ATP8B4: variants seen among roughly 807,000 people sequenced by gnomAD.
ATP8B4 encodes ATPase phospholipid transporting 8B4 (putative).
Under a neutral mutation model 145.6 loss-of-function variants are expected in ATP8B4, and 133 were observed. That is an observed-to-expected ratio of 0.91 (90% CI 0.79 to 1.05). ATP8B4 has a LOEUF of 1.05. Among genes scored for constraint, ATP8B4 ranks in the 50% least tolerant of loss-of-function variants. ATP8B4 has a pLI of 0.00. For missense variants in ATP8B4, 1,458 were observed against 1,425.2 expected (o/e 1.02, Z -0.37); for synonymous variants, 507 against 492.9 (o/e 1.03, Z -0.38).
chr15:50,127,135 G>A (rs563062215), intron 1 of ATP8B4, among the ~76,000 whole-genome samples: 1 of 152,208 alleles, frequency 6.6e-6, no homozygotes, highest in Admixed American at 6.5e-5. Flanking sequence ...CCCTTTTTAG[G>A]TCAAACCAAT....
At chr15:50,125,205 T>C in intron 1 of ATP8B4, among the ~76,000 whole-genome samples, 1 of 152,220 alleles carries the variant, frequency 6.6e-6, no homozygotes, top group East Asian at 1.9e-4. Context: ...CAGGGCTACA[T>C]GGTTCTTGTT....
chr15:49,935,792 C>T (rs188861217), intron 14 of ATP8B4, among the ~76,000 whole-genome samples: 38 of 148,776 alleles, frequency 2.6e-4, no homozygotes, highest in Admixed American at 5.3e-4. Context: ...AAGTCATTTA[C>T]TTTACTTCTC....
chr15:50,052,873 G>T (rs778109997), intron 3 of ATP8B4, among the ~76,000 whole-genome samples: 25 of 152,082 alleles, frequency 1.6e-4, no homozygotes, highest in Non-Finnish European at 3.5e-4. Flanking sequence ...TTATTATAAA[G>T]ACTAATAAAG....
rs569305697 is a variant in ATP8B4 at position 49,920,286 on chromosome 15, C to T, written c.1883G>A (p.Arg628Gln). The T allele has an allele frequency of 2.1e-5, 34 of 1,614,148 alleles. No individual in the cohort carries two copies. Among genetic ancestry groups the T allele is most frequent in the South Asian group, 7.7e-5 (7 of 91,078 alleles). The stretch of plus-strand genomic sequence containing the variant: ...AATTTCTTCATATAGCCCAGCTATT[C>T]GTTCATCCCTCTCTTCTGTGGCAGC... The part of the protein sequence containing the change: ...ANAATEERDE[R>Q]IAGLYEEIER... The change falls in exon 18 of 28, where the codon CGA becomes CAA. Residue 628 changes from arginine to glutamine, a missense_variant. Arg to Gln is a conservative substitution (Grantham distance 43). Coordinates refer to ENST00000284509, the MANE Select transcript of ATP8B4 (RefSeq NM_024837.4).
intron 10 of ATP8B4, chr15:49,982,668 A>G (rs996047028): frequency 2.0e-5 from 3 of 152,230 alleles, no homozygotes; most frequent in African/African-American, 7.2e-5. Flanking sequence ...TTAGGCACAC[A>G]AATGCACACA....
chr15:49,990,780 CTTGA>C (rs2046986223), intron 9 of ATP8B4, among the ~76,000 whole-genome samples: 1 of 152,256 alleles, frequency 6.6e-6, no homozygotes, highest in African/African-American at 2.4e-5. Flanking sequence ...AGAAATAGTT[CTTGA>C]TTATCTGTAC....
intron 23 of ATP8B4, 32 bp from the exon 24 acceptor site, chr15:49,879,491 C>T (rs751328164): frequency 1.3e-6 from 2 of 1,537,750 alleles, no homozygotes; most frequent in Non-Finnish European, 8.9e-7. Context: ...AAGTGAGAAA[C>T]ATCATCCATA....
chr15:50,047,281 G>T, intron 4 of ATP8B4, 70 bp downstream of exon 4: 2 of 958,000 alleles, frequency 2.1e-6, no homozygotes, highest in South Asian at 1.4e-5. Flanking sequence ...TAAGTAAATT[G>T]ACTTACTTTT....
At chr15:49,873,528 TTA>T (rs1402175669) in intron 25 of ATP8B4, among the ~76,000 whole-genome samples, 2 of 152,066 alleles carry the variant, frequency 1.3e-5, no homozygotes, top group Non-Finnish European at 2.9e-5. Flanking sequence ...AGACATAAAA[TTA>T]TATATATATA....
chr15:50,109,872 C>G (rs2056856714), intron 1 of ATP8B4, among the ~76,000 whole-genome samples: 1 of 152,114 alleles, frequency 6.6e-6, no homozygotes, highest in Admixed American at 6.6e-5. Flanking sequence ...AACCTCTTCT[C>G]TATCTTATTT....
intron 1 of ATP8B4, among the ~76,000 whole-genome samples, chr15:50,171,968 G>A (rs977672257): frequency 2.0e-5 from 3 of 152,176 alleles, no homozygotes; most frequent in African/African-American, 7.2e-5. Flanking sequence ...AAACCTAGAA[G>A]AGATGGATAC....
intron 6 of ATP8B4, among the ~76,000 whole-genome samples, chr15:50,020,273 T>A (rs1259904772): frequency 2.0e-5 from 3 of 150,390 alleles, no homozygotes; most frequent in Non-Finnish European, 4.4e-5. Context: ...GTTTTTTGTT[T>A]TTTTTTTTTT....
At chr15:50,150,081 A>T (rs1207407214) in intron 1 of ATP8B4, among the ~76,000 whole-genome samples, 2 of 151,960 alleles carry the variant, frequency 1.3e-5, no homozygotes, top group Non-Finnish European at 2.9e-5. Flanking sequence ...AGTCTGGGTG[A>T]CAGAGCAAGA....
Position 50,035,150 on chromosome 15 carries a change from A to C in ATP8B4, c.362+3618T>G, listed in dbSNP as rs79371352. ...CTGATTTGAAAGGAATAGATTAAGAAAACAAAAAAAAAAGTGAAATTGTAG... is the reference window on the plus strand; with the variant it reads ...CTGATTTGAAAGGAATAGATTAAGACAACAAAAAAAAAAGTGAAATTGTAG... On this transcript the variant is annotated intron_variant, in intron 6 of 27. Transcript: ENST00000284509. 9.6e-3 allele frequency among the ~76,000 whole-genome samples: 1,459 copies of C among 152,320 alleles called. 21 individuals are homozygous for C. Among genetic ancestry groups the C allele is most frequent in the African/African-American group, 0.034 (1,401 of 41,560 alleles).
At chr15:49,889,617 C>T (rs985926497) in intron 23 of ATP8B4, among the ~76,000 whole-genome samples, 1 of 152,210 alleles carries the variant, frequency 6.6e-6, no homozygotes, top group Non-Finnish European at 1.5e-5. Flanking sequence ...TTCTTGAAGC[C>T]TTGCACACCA....
intron 1 of ATP8B4, among the ~76,000 whole-genome samples, chr15:50,145,924 G>A (rs1213881783): frequency 6.6e-6 from 1 of 151,874 alleles, no homozygotes; most frequent in Non-Finnish European, 1.5e-5. Context: ...AAAGCAAAAG[G>A]ATGAAAATGA....
chr15:49,914,726 A>T (rs2039563782), intron 20 of ATP8B4, among the ~76,000 whole-genome samples: 1 of 152,164 alleles, frequency 6.6e-6, no homozygotes, highest in African/African-American at 2.4e-5. Flanking sequence ...GCTCAACATC[A>T]TTAATTATCA....
intron 1 of ATP8B4, among the ~76,000 whole-genome samples, chr15:50,132,280 A>G (rs1454423186): frequency 6.6e-6 from 1 of 152,096 alleles, no homozygotes; most frequent in African/African-American, 2.4e-5. Context: ...TCTTTTATGG[A>G]TCCATAAAAA....
At chr15:50,056,595 C>A (rs1347483501) in intron 3 of ATP8B4, among the ~76,000 whole-genome samples, 1 of 151,846 alleles carries the variant, frequency 6.6e-6, no homozygotes, top group Non-Finnish European at 1.5e-5. Context: ...CCAAAAGAAT[C>A]CTTTGGGCTA....
Sources: allele counts gnomAD v4.1 joint callset (sites outside exome capture counted in the v4.1 genomes callset), GRCh38; gene constraint gnomAD v4.1.1; transcripts MANE v1.5; gene names NCBI Gene and HGNC (gene_info 2026-07-23, HGNC 2026-07-21).